The following AHSA1 variants were observed in gnomAD, a reference collection of about 807,000 sequenced individuals.
The protein encoded by AHSA1 is activator of HSP90 ATPase activity 1, also known as activator of 90 kDa heat shock protein ATPase homolog 1.
In AHSA1, 14 loss-of-function variants were observed where a neutral mutation model predicts 46.1. The observed-to-expected ratio is 0.30, with a 90% CI of 0.20 to 0.47. AHSA1 has a LOEUF of 0.47. Ranked by LOEUF, AHSA1 falls within the 20% of genes least tolerant of loss-of-function variation. The probability of loss-of-function intolerance (pLI) is 0.99; values close to 1 mark genes in which losing one functional copy is unlikely to be tolerated. For synonymous variants in AHSA1, 147 were observed against 145.8 expected (o/e 1.01, Z -0.06); for missense variants, 333 against 415.9 (o/e 0.80, Z 1.73).
rs1442145874 is a variant in AHSA1 at position 77,459,743 on chromosome 14, A to G, written c.208A>G (p.Ile70Val). 5.6e-6 allele frequency: 9 copies of G among 1,614,116 alleles called. No individual in the cohort carries two copies. The highest frequency in any genetic ancestry group is 1.7e-5 in the Admixed American group (1 of 60,008). The change falls in exon 2 of 9, where the codon ATT (isoleucine) becomes GTT (valine). Residue 70 changes from isoleucine to valine, a missense_variant. Ile to Val is a conservative substitution (Grantham distance 29). Coordinates refer to ENST00000216479, the MANE Select transcript of AHSA1 (RefSeq NM_012111.3). ...GAGTAAGCTTGATGGAGAGGCATCC[A>G]TTAACAATCGCAAAGGGAAACTTAT... ...EVSKLDGEAS[I>V]NNRKGKLIFF...
chr14:77,458,303 A>G (rs2078996688), intron 1 of AHSA1, 34 bp downstream of exon 1: 1 of 1,535,868 alleles, frequency 6.5e-7, no homozygotes, highest in Non-Finnish European at 8.8e-7. Context: ...GCCTTGGGAG[A>G]CCTGCGGCCG....
At position 77,468,092 on chromosome 14, in the gene AHSA1, G is replaced by A. The variant is rs908780403; in HGVS notation, c.700G>A (p.Ala234Thr). The A allele has an allele frequency of 6.9e-7, 1 of 1,452,656 alleles. No individual in the cohort carries two copies. The highest frequency in any genetic ancestry group is 1.5e-5 in the African/African-American group (1 of 67,598). 90.0% of individuals were successfully genotyped at this position (1,452,656 alleles called of 1,614,324 possible). A position where few individuals can be genotyped will look rare whatever the true frequency, so the allele number is the denominator to read the frequency against. ...TTTTTTTTCCCTGCAGCTGGTGCAG[G>A]CCTTTACCCATGCTCCTGCAACATT... ...RVFTTQELVQ[A>T]FTHAPATLEA... The change falls in exon 7 of 9, where the codon GCC (alanine) becomes ACC (threonine). Residue 234 changes from alanine (A) to threonine (T), a missense_variant. Ala to Thr is a moderately conservative substitution (Grantham distance 58). Coordinates refer to ENST00000216479, the MANE Select transcript of AHSA1 (RefSeq NM_012111.3).
chr14:77,463,443 G>A (rs542609564), intron 4 of AHSA1, among the ~76,000 whole-genome samples: 13 of 151,920 alleles, frequency 8.6e-5, no homozygotes, highest in Non-Finnish European at 1.6e-4. Flanking sequence ...AAAATTAGCC[G>A]GGCATGGTGG....
At chr14:77,462,577 C>A in intron 3 of AHSA1, 65 bp from the exon 4 acceptor site, 1 of 1,435,696 alleles carries the variant, frequency 7.0e-7, no homozygotes, top group Non-Finnish European at 9.8e-7. Flanking sequence ...ATTGCTCAGC[C>A]CCCACATTCC....
rs149390565 is a variant in AHSA1 at position 77,465,643 on chromosome 14, C to G, written c.666C>G (p.Leu222=). 2.0e-5 allele frequency: 33 copies of G among 1,613,658 alleles called. No homozygotes were observed. In the Middle Eastern group the frequency reaches 4.9e-4, roughly 24 times the overall value. Residue 222 remains leucine (L), a synonymous_variant, in exon 6 of 9, where the codon CTC becomes CTG. Transcript: ENST00000216479. ...KETFLTSPEE[L]YRVFTTQELV... ...CCTTCCTGACGTCACCAGAGGAGCT[C>G]TATAGAGTGTTTACCACCCAAGAGG...
intron 8 of AHSA1, 79 bp downstream of exon 8, chr14:77,468,587 CA>C (rs1253547000): frequency 9.1e-7 from 1 of 1,098,762 alleles, no homozygotes; most frequent in Non-Finnish European, 1.3e-6. Context: ...TTTTTGGAAA[CA>C]GGGTCTCACT....
At chr14:77,467,091 G>T (rs1417616395) in intron 6 of AHSA1, among the ~76,000 whole-genome samples, 1 of 152,166 alleles carries the variant, frequency 6.6e-6, no homozygotes, top group African/African-American at 2.4e-5. Flanking sequence ...ACAGCAAAAT[G>T]ATACTGATTT....
chr14:77,458,130 C>T lies in AHSA1; in HGVS notation c.-60C>T, dbSNP rs543629676. 12 of 1,417,922 alleles carry T rather than the reference C, an allele frequency of 8.5e-6. No homozygotes were observed. The East Asian group carries it at 1.5e-4, about 17-fold the overall frequency. The allele number at this position is 1,417,922 out of a possible 1,614,324, so 87.8% of individuals were successfully genotyped here. On this transcript the variant is annotated 5_prime_UTR_variant, in exon 1 of 9. Transcript: ENST00000216479. Reference sequence around the variant, plus strand: ...GCGCTGCCGGGCGGCTGGCACTAAGCGGTCCTGAGGCTGTGGCTACGGCTG... The same window carrying T: ...GCGCTGCCGGGCGGCTGGCACTAAGTGGTCCTGAGGCTGTGGCTACGGCTG...
chr14:77,462,138 G>A (rs375551535), intron 2 of AHSA1, 22 bp from the exon 3 acceptor site: 13 of 1,573,490 alleles, frequency 8.3e-6, no homozygotes, highest in African/African-American at 1.3e-5. Context: ...GTGGACTAAT[G>A]ACATTGCATT....
intron 3 of AHSA1, 105 bp downstream of exon 3, chr14:77,462,347 A>G: frequency 1.8e-6 from 2 of 1,137,964 alleles, no homozygotes; most frequent in Non-Finnish European, 2.6e-6. Context: ...TGGTCCAAGC[A>G]TTCAGAACCC....
In AHSA1 at chr14:77,469,295, T is replaced by A. The variant is rs1292213561; in HGVS notation, c.*46T>A. The A allele has an allele frequency of 6.3e-7, 1 of 1,597,424 alleles. No homozygotes were observed. Among genetic ancestry groups the A allele is most frequent in the Admixed American group, 1.7e-5 (1 of 58,584 alleles). On this transcript the variant is annotated 3_prime_UTR_variant, in exon 9 of 9. Transcript: ENST00000216479. ...AGCCTGCTGGACACTTCAGTCCAGC[T>A]CTCTCCTGACTGGGGCTTGCGACTC...
chr14:77,468,925 C>A, intron 8 of AHSA1, 152 bp from the exon 9 acceptor site: 1 of 818,200 alleles, frequency 1.2e-6, no homozygotes, highest in Non-Finnish European at 2.0e-6. Flanking sequence ...CCAGGCTGGT[C>A]TGGAACTCCT....
chr14:77,462,773 AGT>A lies in AHSA1; in HGVS notation c.472+15_472+16del, dbSNP rs2079031268. ...CCCTCAAAACAGGTATCCCTTGAGT[AGT>A]TCTGTATGCCTTAAGGAGGTAGTTT... On this transcript the variant is annotated intron_variant, in intron 4 of 8. Coordinates refer to ENST00000216479, the MANE Select transcript of AHSA1 (RefSeq NM_012111.3). 1 of 1,604,254 alleles carries A rather than the reference AGT, an allele frequency of 6.2e-7. No individual in the cohort carries two copies. The highest frequency in any genetic ancestry group is 2.2e-5 in the East Asian group (1 of 44,834).
At chr14:77,462,612 T>A (rs983228581) in intron 3 of AHSA1, 30 bp from the exon 4 acceptor site, 1 of 1,605,866 alleles carries the variant, frequency 6.2e-7, no homozygotes, top group African/African-American at 1.3e-5. Context: ...CCTCAAGTTA[T>A]TTACCACCTA....
chr14:77,462,513 G>A (rs1344668879), intron 3 of AHSA1, 129 bp from the exon 4 acceptor site: 5 of 892,488 alleles, frequency 5.6e-6, no homozygotes, highest in Non-Finnish European at 9.3e-6. Flanking sequence ...AATGGGGATT[G>A]TACGAATACC....
At chr14:77,462,840 T>C (rs958140873) in intron 4 of AHSA1, 81 bp downstream of exon 4, 6 of 1,207,638 alleles carry the variant, frequency 5.0e-6, no homozygotes, top group East Asian at 4.7e-5. Flanking sequence ...GACAGTCCTT[T>C]CTTTGGCAAA....
chr14:77,466,642 A>T (rs2079049084), intron 6 of AHSA1, among the ~76,000 whole-genome samples: 1 of 152,276 alleles, frequency 6.6e-6, no homozygotes, highest in South Asian at 2.1e-4. Context: ...TCTCCCCCTT[A>T]GAAAACCAAG....
At chr14:77,468,741 T>TTTAAC in intron 8 of AHSA1, 2 of 457,148 alleles carry the variant, frequency 4.4e-6, no homozygotes, top group Non-Finnish European at 7.6e-6. Flanking sequence ...TTTTTTTTTT[T>TTTAAC]TTTTACTTTT....
intron 1 of AHSA1, 87 bp downstream of exon 1, chr14:77,458,356 C>A: frequency 7.1e-7 from 1 of 1,413,058 alleles, no homozygotes; most frequent in Non-Finnish European, 9.6e-7. Context: ...CCGGACAGAG[C>A]TGGGGCTGAG....
Sources: gnomAD v4.1 joint callset for allele counts (sites outside exome capture counted in the v4.1 genomes callset) on GRCh38, gnomAD v4.1.1 for gene constraint, MANE v1.5 for transcripts, NCBI Gene and HGNC (gene_info 2026-07-23, HGNC 2026-07-21) for gene names.